TRPC7: variants seen among roughly 807,000 people sequenced by gnomAD.
The protein encoded by TRPC7 is transient receptor potential cation channel subfamily C member 7, also known as short transient receptor potential channel 7.
A neutral mutation model predicts 90.1 loss-of-function variants in TRPC7; 42 were observed. The observed-to-expected ratio is 0.47, with a 90% CI of 0.36 to 0.60. TRPC7 has a LOEUF of 0.60. Among genes scored for constraint, TRPC7 ranks in the 20% least tolerant of loss-of-function variants. The probability of loss-of-function intolerance (pLI) is 0.00; values close to 1 mark genes in which losing one functional copy is unlikely to be tolerated. For missense variants in TRPC7, 955 were observed against 1,112.3 expected, an observed-to-expected ratio of 0.86 and a Z score of 2.01; for synonymous variants, 451 against 436.3, an observed-to-expected ratio of 1.03 and a Z score of -0.42.
intron 3 of TRPC7, among the ~76,000 whole-genome samples, chr5:136,278,573 C>T (rs1372767916): frequency 6.6e-6 from 1 of 152,192 alleles, no homozygotes; most frequent in East Asian, 1.9e-4. Flanking sequence ...GAAACAACAA[C>T]AACTTCCTTA....
In TRPC7 at chr5:136,218,499, A is replaced by G. The variant is rs146666857; in HGVS notation, c.2344-2224T>C. ...GGGTTCTTCAGTTTCTGGATCCAAC[A>G]ATTAAAGAGCTTTACTGTTTCTCAT... On this transcript the variant is annotated intron_variant, in intron 10 of 11. Transcript: ENST00000513104. Among the ~76,000 whole-genome samples the G allele has an allele frequency of 2.1e-3, 325 of 152,332 alleles. 1 individual carries two copies. The highest frequency in any genetic ancestry group is 7.4e-3 in the African/African-American group (308 of 41,572).
chr5:136,365,402 G>A lies in TRPC7; in HGVS notation c.-148C>T, dbSNP rs1760692005. ...TAGAGCTGGTCAAGTGAGTTAAGTT[G>A]CAACGATGTGAAAGCGCGCTCCTCT... On this transcript the variant is annotated 5_prime_UTR_variant, in exon 1 of 12. Transcript: ENST00000513104. The A allele has an allele frequency of 3.7e-6, 3 of 804,976 alleles. No homozygotes were observed. Among genetic ancestry groups the A allele is most frequent in the South Asian group, 3.1e-5 (2 of 64,236 alleles). The allele number at this position is 804,976 out of a possible 1,614,324, so 49.9% of individuals were successfully genotyped here.
At chr5:136,252,009 C>A in intron 5 of TRPC7, 127 bp from the exon 6 acceptor site, 1 of 717,118 alleles carries the variant, frequency 1.4e-6, no homozygotes, top group African/African-American at 1.8e-5. Flanking sequence ...CCGTCGATAG[C>A]CAGAGGCAGA....
intron 3 of TRPC7, among the ~76,000 whole-genome samples, chr5:136,283,452 G>A (rs1322285969): frequency 6.6e-6 from 1 of 152,184 alleles, no homozygotes; most frequent in Admixed American, 6.5e-5. Flanking sequence ...GCCTTCCATT[G>A]TTCCACAGAT....
At chr5:136,303,233 G>A (rs1367969997) in intron 3 of TRPC7, among the ~76,000 whole-genome samples, 2 of 152,058 alleles carry the variant, frequency 1.3e-5, no homozygotes, top group South Asian at 2.1e-4. Flanking sequence ...CCAGTTCATG[G>A]CTCATTTGGC....
chr5:136,341,803 C>T (rs1399203989), intron 2 of TRPC7, among the ~76,000 whole-genome samples: 1 of 152,204 alleles, frequency 6.6e-6, no homozygotes, highest in Admixed American at 6.5e-5. Context: ...ATTTTTCAAC[C>T]AGTTACAGAT....
At chr5:136,236,951 C>A (rs1443351550) in intron 7 of TRPC7, among the ~76,000 whole-genome samples, 1 of 152,160 alleles carries the variant, frequency 6.6e-6, no homozygotes, top group African/African-American at 2.4e-5. Flanking sequence ...GTTTCCCAAG[C>A]TCAGCGGACA....
At chr5:136,363,212 CT>C (rs1760621919) in intron 1 of TRPC7, among the ~76,000 whole-genome samples, 1 of 152,176 alleles carries the variant, frequency 6.6e-6, no homozygotes, top group African/African-American at 2.4e-5. Flanking sequence ...GACATTCTCA[CT>C]TCTTCACACT....
intron 2 of TRPC7, among the ~76,000 whole-genome samples, chr5:136,354,888 C>T (rs770236082): frequency 1.1e-4 from 17 of 152,216 alleles, no homozygotes; most frequent in Non-Finnish European, 2.4e-4. Context: ...CCTACTCTCT[C>T]TTCGTAATGA....
At chr5:136,222,559 A>G (rs1002541354) in intron 10 of TRPC7, among the ~76,000 whole-genome samples, 1 of 152,168 alleles carries the variant, frequency 6.6e-6, no homozygotes, top group Non-Finnish European at 1.5e-5. Context: ...AAAGAGAGGA[A>G]CCATACTCAG....
chr5:136,253,708 T>G (rs1183173910), intron 5 of TRPC7, among the ~76,000 whole-genome samples: 1 of 152,192 alleles, frequency 6.6e-6, no homozygotes, highest in Admixed American at 6.5e-5. Context: ...GGGCCTCCTA[T>G]TCCCAGTATT....
At chr5:136,261,822 C>T (rs1344960442) in intron 5 of TRPC7, among the ~76,000 whole-genome samples, 6 of 152,330 alleles carry the variant, frequency 3.9e-5, no homozygotes, top group African/African-American at 1.4e-4. Context: ...CCCCTGTGAA[C>T]TTCAGGCATG....
intron 3 of TRPC7, among the ~76,000 whole-genome samples, chr5:136,298,563 AG>A (rs949879299): frequency 3.3e-5 from 5 of 152,214 alleles, no homozygotes; most frequent in African/African-American, 1.2e-4. Flanking sequence ...CCAAAGCCAG[AG>A]GAAACCACTC....
chr5:136,337,921 C>T (rs898571367), intron 2 of TRPC7, among the ~76,000 whole-genome samples: 6 of 152,094 alleles, frequency 3.9e-5, no homozygotes, highest in Non-Finnish European at 7.4e-5. Flanking sequence ...GACCTAATCC[C>T]CATCATGCAG....
chr5:136,351,307 A>G (rs190694104), intron 2 of TRPC7, among the ~76,000 whole-genome samples: 142 of 152,334 alleles, frequency 9.3e-4, no homozygotes, highest in Middle Eastern at 3.4e-3. Flanking sequence ...TAAGACCTGC[A>G]GCCTTCATAG....
chr5:136,336,493 T>C (rs1561724088), intron 2 of TRPC7, among the ~76,000 whole-genome samples: 1 of 152,048 alleles, frequency 6.6e-6, no homozygotes, highest in Non-Finnish European at 1.5e-5. Context: ...CAGAAAGGGC[T>C]AGGGAAAGGA....
In TRPC7 at chr5:136,359,774, G is replaced by GCACA. The variant is rs56100973; in HGVS notation, c.3-2393_3-2390dup. On this transcript the variant is annotated intron_variant, in intron 1 of 11. Coordinates refer to ENST00000513104, the MANE Select transcript of TRPC7 (RefSeq NM_020389.3). ...CTCAGTTTCAAGGCCTGTCATCTGGGCACACACACACACACACACACAGGT... is the reference window on the plus strand; with the variant it reads ...CTCAGTTTCAAGGCCTGTCATCTGGGCACACACACACACACACACACACACAGGT... 2.0e-3 allele frequency among the ~76,000 whole-genome samples: 296 copies of GCACA among 149,528 alleles called. 1 individual carries two copies. The highest frequency in any genetic ancestry group is 7.1e-3 in the Middle Eastern group (2 of 282).
At chr5:136,316,452 T>C (rs1312417097) in intron 2 of TRPC7, among the ~76,000 whole-genome samples, 1 of 152,240 alleles carries the variant, frequency 6.6e-6, no homozygotes, top group Non-Finnish European at 1.5e-5. Context: ...AACAGGATCT[T>C]TTCTTCCTAG....
At chr5:136,340,925 A>G (rs1759825162) in intron 2 of TRPC7, among the ~76,000 whole-genome samples, 1 of 152,194 alleles carries the variant, frequency 6.6e-6, no homozygotes, top group Non-Finnish European at 1.5e-5. Context: ...GCACTGAGAT[A>G]CTGTTTCTCT....
Sources: allele counts gnomAD v4.1 joint callset (sites outside exome capture counted in the v4.1 genomes callset), GRCh38; gene constraint gnomAD v4.1.1; transcripts MANE v1.5; gene names NCBI Gene and HGNC (gene_info 2026-07-23, HGNC 2026-07-21).